Variants in MINDY4 observed in about 807,000 individuals in gnomAD.
MINDY4 encodes probable ubiquitin carboxyl-terminal hydrolase MINDY-4.
MINDY4 carries 68 observed loss-of-function variants against 87.0 expected under a neutral mutation model. The observed-to-expected ratio is 0.78, with a 90% confidence interval of 0.64 to 0.96. MINDY4 has a LOEUF of 0.96. MINDY4 is among the 40% of genes least tolerant of loss of function. The pLI is 0.00. For synonymous variants in MINDY4, 379 were observed against 363.2 expected, an observed-to-expected ratio of 1.04 and a Z score of -0.50; for missense variants, 919 against 928.2, an observed-to-expected ratio of 0.99 and a Z score of 0.13.
chr7:30,874,781 C>T (rs1407909808), intron 14 of MINDY4, among the ~76,000 whole-genome samples: 7 of 152,136 alleles, frequency 4.6e-5, no homozygotes, highest in Non-Finnish European at 7.3e-5. Context: ...AAAACCCCAC[C>T]GTCACTAATG....
At chr7:30,851,364 A>T (rs1789408311) in intron 10 of MINDY4, among the ~76,000 whole-genome samples, 3 of 152,222 alleles carry the variant, frequency 2.0e-5, no homozygotes, top group African/African-American at 7.2e-5. Context: ...AATGGGGATG[A>T]TTATAACAAT....
intron 6 of MINDY4, among the ~76,000 whole-genome samples, chr7:30,829,506 G>A (rs1429779996): frequency 6.6e-6 from 1 of 152,174 alleles, no homozygotes; most frequent in Admixed American, 6.5e-5. Flanking sequence ...TCTCCCTTTT[G>A]AACTCTCCCT....
At position 30,785,800 on chromosome 7, in the gene MINDY4, G is replaced by GC. The variant is rs778058813; in HGVS notation, c.476dup (p.His160AlafsTer4). 9 of 1,614,098 alleles carry GC rather than the reference G, an allele frequency of 5.6e-6. No homozygotes were observed. Among genetic ancestry groups the GC allele is most frequent in the South Asian group, 2.2e-5 (2 of 91,080 alleles). On this transcript the variant is annotated frameshift_variant, in exon 4 of 18. Coordinates refer to ENST00000265299, the MANE Select transcript of MINDY4 (RefSeq NM_032222.3). LOFTEE classifies it high-confidence loss of function. ...TTGGTAATTTTGTATCATCTAAAAGGCCCCCGCACAAAAGTAAGCCCATGC... is the reference window on the plus strand; with the variant it reads ...TTGGTAATTTTGTATCATCTAAAAGGCCCCCCGCACAAAAGTAAGCCCATGC...
At chr7:30,777,197 G>A (rs1786851206) in intron 1 of MINDY4, among the ~76,000 whole-genome samples, 1 of 151,920 alleles carries the variant, frequency 6.6e-6, no homozygotes, top group Non-Finnish European at 1.5e-5. Context: ...TCAAATGCTG[G>A]TGTGCATCAC....
chr7:30,781,952 A>ATTTTT, intron 2 of MINDY4, 25 bp from the exon 3 acceptor site: 3 of 1,508,338 alleles, frequency 2.0e-6, no homozygotes, highest in Admixed American at 1.7e-5. Context: ...TAAATTAATG[A>ATTTTT]TTTTTTTTTC....
intron 15 of MINDY4, 111 bp from the exon 16 acceptor site, chr7:30,882,070 G>C: frequency 5.6e-6 from 6 of 1,076,148 alleles, no homozygotes; most frequent in Non-Finnish European, 8.1e-6. Flanking sequence ...ACACAAACGT[G>C]ATCTTCAGCA....
chr7:30,813,551 G>A (rs996593061), intron 5 of MINDY4, among the ~76,000 whole-genome samples: 4 of 152,220 alleles, frequency 2.6e-5, no homozygotes, highest in African/African-American at 7.2e-5. Flanking sequence ...GCAAGAGGCC[G>A]TAACCCCAGA....
Position 30,782,279 on chromosome 7 carries a change from A to G in MINDY4, c.419+67A>G, listed in dbSNP as rs534429890. On this transcript the variant is annotated intron_variant, in intron 3 of 17. Transcript: ENST00000265299. Reference sequence around the variant, plus strand: ...GCCATAACAAATTACTATGTACTTCATGGCTGTTTCAGTCAGTATTCTCCA... The same window carrying G: ...GCCATAACAAATTACTATGTACTTCGTGGCTGTTTCAGTCAGTATTCTCCA... The G allele has an allele frequency of 5.7e-6, 7 of 1,235,870 alleles. No individual in the cohort carries two copies. In the Admixed American group the frequency reaches 8.0e-5, roughly 14 times the overall value. The allele number at this position is 1,235,870 out of a possible 1,614,324, so 76.6% of individuals were successfully genotyped here.
At chr7:30,851,257 C>T (rs1274042795) in intron 10 of MINDY4, among the ~76,000 whole-genome samples, 1 of 152,156 alleles carries the variant, frequency 6.6e-6, no homozygotes, top group Non-Finnish European at 1.5e-5. Flanking sequence ...CATATTGCTT[C>T]AGAGAAAGGA....
At chr7:30,884,582 C>G (rs1005539927) in intron 17 of MINDY4, among the ~76,000 whole-genome samples, 6 of 152,210 alleles carry the variant, frequency 3.9e-5, no homozygotes, top group African/African-American at 9.7e-5. Flanking sequence ...CTGGACACAG[C>G]CGCAGCTTGC....
intron 12 of MINDY4, 26 bp from the exon 13 acceptor site, chr7:30,859,231 A>T (rs1405032386): frequency 1.2e-6 from 2 of 1,607,452 alleles, no homozygotes; most frequent in Admixed American, 3.3e-5. Context: ...AATGGGATGG[A>T]GCTCATTTTT....
chr7:30,787,987 AC>A (rs575713891), intron 4 of MINDY4, among the ~76,000 whole-genome samples: 92 of 152,354 alleles, frequency 6.0e-4, no homozygotes, highest in African/African-American at 2.1e-3. Context: ...GTTGCATGTA[AC>A]ATGGTATATT....
chr7:30,862,360 A>G (rs1044766302), intron 13 of MINDY4, among the ~76,000 whole-genome samples: 1 of 152,274 alleles, frequency 6.6e-6, no homozygotes, highest in African/African-American at 2.4e-5. Context: ...GCATTCCTGC[A>G]TGTGGGAGTG....
In MINDY4 at chr7:30,791,086, G is replaced by C. The variant is rs147543793; in HGVS notation, c.664-79G>C. ...TTCCTGGGAGAGACATCACATCATG[G>C]GCAAATGCTTGAAGTGGGATCTTTG... On this transcript the variant is annotated intron_variant, in intron 4 of 17. Transcript: ENST00000265299. 5.9e-5 allele frequency: 80 copies of C among 1,346,838 alleles called. 1 individual carries two copies. The African/African-American group carries it at 1.1e-3, about 18-fold the overall frequency. The allele number at this position is 1,346,838 out of a possible 1,614,324, so 83.4% of individuals were successfully genotyped here.
intron 17 of MINDY4, among the ~76,000 whole-genome samples, chr7:30,891,192 A>G (rs1416950631): frequency 9.2e-5 from 14 of 152,188 alleles, no homozygotes; most frequent in Admixed American, 9.2e-4. Flanking sequence ...GTATATGTAT[A>G]ATATACCTAG....
intron 10 of MINDY4, among the ~76,000 whole-genome samples, chr7:30,851,811 C>T (rs1211566515): frequency 6.6e-6 from 1 of 152,246 alleles, no homozygotes; most frequent in Non-Finnish European, 1.5e-5. Context: ...GGGGACTGCA[C>T]ACCCAGGGGG....
At position 30,785,896 on chromosome 7, in the gene MINDY4, T is replaced by A. The variant is rs1362180938; in HGVS notation, c.567T>A (p.Pro189=). The change falls in exon 4 of 18, where the codon CCT becomes CCA. Residue 189 remains proline, a synonymous_variant. Transcript: ENST00000265299. ...WEKIDKLHSE[P]SLDVKRMGEN... is the part of the protein sequence containing the mutation. ...AGATAGACAAGCTTCACTCGGAGCCTTCCTTGGATGTGAAGAGGATGGGAG... is the reference window on the plus strand; with the variant it reads ...AGATAGACAAGCTTCACTCGGAGCCATCCTTGGATGTGAAGAGGATGGGAG... 1.2e-6 allele frequency: 2 copies of A among 1,614,224 alleles called. No individual in the cohort carries two copies. Among genetic ancestry groups the A allele is most frequent in the Non-Finnish European group, 8.5e-7 (1 of 1,180,048 alleles).
intron 1 of MINDY4, among the ~76,000 whole-genome samples, chr7:30,775,613 G>C (rs1786787296): frequency 6.6e-6 from 1 of 152,214 alleles, no homozygotes; most frequent in African/African-American, 2.4e-5. Flanking sequence ...CTCTCTGGGA[G>C]ATTGGGAGGT....
Position 30,785,680 on chromosome 7 carries a change from G to C in MINDY4, c.420-69G>C, listed in dbSNP as rs1341465653. The stretch of plus-strand genomic sequence containing the variant: ...TTGCTTTGAATGCACATTGAATGTG[G>C]AATTTGCTATCTTTGTTACTGATTC... On this transcript the variant is annotated intron_variant, in intron 3 of 17. Coordinates refer to ENST00000265299, the MANE Select transcript of MINDY4 (RefSeq NM_032222.3). The C allele has an allele frequency of 1.9e-6, 3 of 1,572,788 alleles. No homozygotes were observed. In the East Asian group the frequency reaches 6.7e-5, roughly 35 times the overall value.
Sources: allele counts gnomAD v4.1 joint callset (sites outside exome capture counted in the v4.1 genomes callset), GRCh38; gene constraint gnomAD v4.1.1; transcripts MANE v1.5; gene names NCBI Gene and HGNC (gene_info 2026-07-23, HGNC 2026-07-21).